Variants in RYR2 observed in about 807,000 individuals in gnomAD.
RYR2 encodes cardiac muscle ryanodine receptor-calcium release channel.
RYR2 carries 227 observed loss-of-function variants against 601.1 expected under a neutral mutation model. The ratio of observed to expected loss-of-function variants is 0.38; its 90% CI spans 0.34 to 0.42. The LOEUF (loss-of-function observed/expected upper bound fraction) is 0.42, where lower values mean the gene tolerates loss of function less well. RYR2 is among the 10% of genes least tolerant of loss of function. The pLI, the probability that RYR2 is intolerant of heterozygous loss-of-function variation, is 1.00. For synonymous variants in RYR2, 2,223 were observed against 2,175.1 expected (o/e 1.02, Z -0.61); for missense variants, 4,646 against 6,156.5 (o/e 0.75, Z 8.21).
Position 237,832,797 on chromosome 1 carries a change from C to A in RYR2, c.*150C>A, listed in dbSNP as rs1208947487. 3.2e-5 allele frequency: 17 copies of A among 535,500 alleles called. No individual in the cohort carries two copies. The highest frequency in any genetic ancestry group is 2.8e-4 in the Middle Eastern group (1 of 3,612). 33.2% of individuals were successfully genotyped at this position (535,500 alleles called of 1,614,324 possible). ...GCATCGAAGCTCTGTTTCGGAAGAGCTGTTTCCTCCCCCCACCTTTTGTAT... is the reference window on the plus strand; with the variant it reads ...GCATCGAAGCTCTGTTTCGGAAGAGATGTTTCCTCCCCCCACCTTTTGTAT... On this transcript the variant is annotated 3_prime_UTR_variant, in exon 105 of 105. Transcript: ENST00000366574.
intron 63 of RYR2, among the ~76,000 whole-genome samples, chr1:237,694,249 A>G (rs892432331): frequency 1.3e-4 from 19 of 150,354 alleles, no homozygotes; most frequent in Non-Finnish European, 2.5e-4. Context: ...AGCCGAGATC[A>G]TGCCAGTGCA....
intron 87 of RYR2, among the ~76,000 whole-genome samples, chr1:237,775,825 AAAAG>A (rs1694619571): frequency 6.6e-6 from 1 of 152,162 alleles, no homozygotes; most frequent in Non-Finnish European, 1.5e-5. Context: ...CGTCATGAGA[AAAAG>A]AAAGCAAGGC....
Position 237,522,755 on chromosome 1 carries a change from C to T in RYR2, c.2823-7672C>T, listed in dbSNP as rs376073867. Reference sequence around the variant, plus strand: ...CTACCTACAGGGTGCCTCACATTTGCTTCCTAACAGTCTGTTTACTTTTCT... The same window carrying T: ...CTACCTACAGGGTGCCTCACATTTGTTTCCTAACAGTCTGTTTACTTTTCT... On this transcript the variant is annotated intron_variant, in intron 24 of 104. Coordinates refer to ENST00000366574, the MANE Select transcript of RYR2 (RefSeq NM_001035.3). Among the ~76,000 whole-genome samples, 5 of 152,256 alleles carry T rather than the reference C, an allele frequency of 3.3e-5. No homozygotes were observed. The East Asian group carries it at 9.6e-4, about 29-fold the overall frequency.
At chr1:237,551,450 G>C (rs997367578) in intron 27 of RYR2, among the ~76,000 whole-genome samples, 1 of 145,740 alleles carries the variant, frequency 6.9e-6, no homozygotes, top group Admixed American at 7.3e-5. Flanking sequence ...AGAATGGTGT[G>C]AACCCGGGAG....
intron 1 of RYR2, among the ~76,000 whole-genome samples, chr1:237,195,481 G>T (rs1313000182): frequency 6.6e-6 from 1 of 152,152 alleles, no homozygotes; most frequent in Non-Finnish European, 1.5e-5. Flanking sequence ...TCAAACTCCT[G>T]ACCTCAGGTG....
intron 8 of RYR2, among the ~76,000 whole-genome samples, chr1:237,385,528 C>G (rs535153607): frequency 6.6e-6 from 1 of 152,292 alleles, no homozygotes; most frequent in Admixed American, 6.5e-5. Flanking sequence ...ATAGTACATT[C>G]AGTGAACCCA....
rs139696381 is a variant in RYR2, at chr1:237,125,935, T to C, written c.48+83366T>C. 1.1e-4 allele frequency among the ~76,000 whole-genome samples: 17 copies of C among 152,350 alleles called. No individual in the cohort carries two copies. In the East Asian group the frequency reaches 3.3e-3, roughly 29 times the overall value. On this transcript the variant is annotated intron_variant, in intron 1 of 104. Transcript: ENST00000366574. ...AATATCCGTTTTTAAAGTGCCACTA[T>C]CTCTAATGTACAAAACTGAGGCCGG...
chr1:237,745,634 C>A (rs1258720258), intron 80 of RYR2, among the ~76,000 whole-genome samples: 1 of 152,152 alleles, frequency 6.6e-6, no homozygotes, highest in East Asian at 1.9e-4. Context: ...CAAGTGATGG[C>A]ATCTTAATAT....
intron 36 of RYR2, among the ~76,000 whole-genome samples, chr1:237,613,373 TA>T (rs1678099091): frequency 6.6e-6 from 1 of 152,250 alleles, no homozygotes. Flanking sequence ...GCAGTGCTAA[TA>T]CATAATAGGC....
chr1:237,610,484 GGCCTTCTCTCTGT>G lies in RYR2; in HGVS notation c.4684-274_4684-262del, dbSNP rs1293783123. ...ATATAAAGGATATATGGGTATGCTT[GGCCTTCTCTCTGT>G]GCCATTCAGTATATGGGAAAGACAC... On this transcript the variant is annotated intron_variant, in intron 35 of 104. Coordinates refer to ENST00000366574, the MANE Select transcript of RYR2 (RefSeq NM_001035.3). This position sits in a 1 kb window ranked among gnomAD's most constrained non-coding sequence, Gnocchi z 4.9. Among the ~76,000 whole-genome samples the G allele has an allele frequency of 1.3e-5, 2 of 152,128 alleles. No homozygotes were observed. The highest frequency in any genetic ancestry group is 2.9e-5 in the Non-Finnish European group (2 of 68,022).
chr1:237,123,912 C>T (rs557576454), intron 1 of RYR2, among the ~76,000 whole-genome samples: 141 of 152,136 alleles, frequency 9.3e-4, no homozygotes, highest in Middle Eastern at 6.8e-3. Context: ...CATGATCCAC[C>T]CGCCTCGGCC....
At chr1:237,279,181 C>T (rs1690600234) in intron 2 of RYR2, among the ~76,000 whole-genome samples, 1 of 152,158 alleles carries the variant, frequency 6.6e-6, no homozygotes, top group Non-Finnish European at 1.5e-5. Flanking sequence ...CTAAATAAAA[C>T]TGCCTTTACA....
intron 12 of RYR2, among the ~76,000 whole-genome samples, chr1:237,432,779 T>C (rs998924791): frequency 1.4e-4 from 22 of 152,248 alleles, no homozygotes; most frequent in African/African-American, 5.1e-4. Context: ...TCTGTTTTTC[T>C]GTCATCACTA....
chr1:237,413,913 C>A (rs1374385167), intron 10 of RYR2, among the ~76,000 whole-genome samples: 1 of 152,054 alleles, frequency 6.6e-6, no homozygotes, highest in Non-Finnish European at 1.5e-5. Context: ...TTAAGAAGTG[C>A]TTTTCTCTTC....
At chr1:237,136,865 A>C (rs984964471) in intron 1 of RYR2, among the ~76,000 whole-genome samples, 1 of 151,876 alleles carries the variant, frequency 6.6e-6, no homozygotes, top group African/African-American at 2.4e-5. Flanking sequence ...AAAATACAAA[A>C]AATTAGCTGG....
At chr1:237,433,750 C>T (rs895458719) in intron 12 of RYR2, among the ~76,000 whole-genome samples, 1 of 152,108 alleles carries the variant, frequency 6.6e-6, no homozygotes, top group Non-Finnish European at 1.5e-5. Flanking sequence ...AAGAGTTATA[C>T]TGTGGAAGGC....
At chr1:237,378,393 GT>G (rs1701203190) in intron 8 of RYR2, among the ~76,000 whole-genome samples, 1 of 152,170 alleles carries the variant, frequency 6.6e-6, no homozygotes, top group Non-Finnish European at 1.5e-5. Flanking sequence ...CAATACAGAA[GT>G]TTACAGTAAA....
At chr1:237,099,094 G>A (rs1667796112) in intron 1 of RYR2, among the ~76,000 whole-genome samples, 1 of 86,528 alleles carries the variant, frequency 1.2e-5, no homozygotes, top group Non-Finnish European at 2.9e-5. Context: ...CAGTGAGAAG[G>A]TAGTGTGAAC....
intron 1 of RYR2, among the ~76,000 whole-genome samples, chr1:237,251,186 T>G (rs1295183377): frequency 1.3e-5 from 2 of 152,126 alleles, no homozygotes; most frequent in Non-Finnish European, 1.5e-5. Flanking sequence ...CAGCCCCAGA[T>G]ATTTACTTTT....
Sources: gnomAD v4.1 joint callset for allele counts (sites outside exome capture counted in the v4.1 genomes callset) on GRCh38, gnomAD v4.1.1 for gene constraint, Gnocchi (gnomAD v3.1) non-coding constraint, MANE v1.5 for transcripts, NCBI Gene and HGNC (gene_info 2026-07-23, HGNC 2026-07-21) for gene names.